The following EYS variants were observed in gnomAD, a reference collection of about 807,000 sequenced individuals.
EYS encodes the protein protein eyes shut homolog.
Under a neutral mutation model 282.1 loss-of-function variants are expected in EYS, and 250 were observed. The observed-to-expected ratio is 0.89, with a 90% CI of 0.80 to 0.98. The LOEUF (loss-of-function observed/expected upper bound fraction) is 0.98, where lower values mean the gene tolerates loss of function less well. EYS is among the 50% of genes least tolerant of loss of function. The probability of loss-of-function intolerance (pLI) is 0.00; values close to 1 mark genes in which losing one functional copy is unlikely to be tolerated. For synonymous variants in EYS, 1,355 were observed against 1,282.9 expected, an observed-to-expected ratio of 1.06 and a Z score of -1.20; for missense variants, 4,016 against 3,709.0, an observed-to-expected ratio of 1.08 and a Z score of -2.15.
At chr6:65,461,312 C>T (rs556389444) in intron 5 of EYS, among the ~76,000 whole-genome samples, 86 of 152,170 alleles carry the variant, frequency 5.7e-4, no homozygotes, top group African/African-American at 1.9e-3. Context: ...AGCCTAGCTC[C>T]ATTACATATC....
intron 30 of EYS, among the ~76,000 whole-genome samples, chr6:64,278,424 T>C (rs1319114077): frequency 6.6e-6 from 1 of 152,162 alleles, no homozygotes; most frequent in African/African-American, 2.4e-5. Context: ...TATATGACAA[T>C]GATCATTCTG....
intron 19 of EYS, among the ~76,000 whole-genome samples, chr6:64,827,098 T>A (rs1009271454): frequency 3.3e-5 from 5 of 152,008 alleles, no homozygotes; most frequent in African/African-American, 1.2e-4. Flanking sequence ...ACAAGCTATA[T>A]TTTTAAAAAT....
At chr6:64,904,366 A>C (rs1000860243) in intron 16 of EYS, among the ~76,000 whole-genome samples, 1 of 152,166 alleles carries the variant, frequency 6.6e-6, no homozygotes, top group Non-Finnish European at 1.5e-5. Context: ...AATTAAAATG[A>C]ATTACTTCCA....
At position 63,923,293 on chromosome 6, in the gene EYS, T is replaced by C. The variant is rs184370190; in HGVS notation, c.7056-58935A>G. Among the ~76,000 whole-genome samples the C allele has an allele frequency of 1.2e-4, 19 of 152,340 alleles. No homozygotes were observed. In the East Asian group the frequency reaches 3.3e-3, roughly 26 times the overall value. ...GTGTTCTTTTTTCAAGAACATTTTATGCAAATATGCCATTTAAAAAATGTT... is the reference window on the plus strand; with the variant it reads ...GTGTTCTTTTTTCAAGAACATTTTACGCAAATATGCCATTTAAAAAATGTT... On this transcript the variant is annotated intron_variant, in intron 35 of 42. Transcript: ENST00000503581.
intron 10 of EYS, 37 bp downstream of exon 10, chr6:65,344,001 G>A (rs534738152): frequency 5.1e-6 from 8 of 1,574,966 alleles, no homozygotes; most frequent in Admixed American, 5.0e-5. Context: ...ACAAGCTAAA[G>A]AGAAAAATGA....
chr6:63,839,991 G>T (rs866930930), intron 36 of EYS, among the ~76,000 whole-genome samples: 28 of 150,138 alleles, frequency 1.9e-4, no homozygotes, highest in African/African-American at 6.6e-4. Flanking sequence ...TAATATACCA[G>T]TTGGGCATTT....
intron 29 of EYS, among the ~76,000 whole-genome samples, chr6:64,348,195 C>T (rs1771483367): frequency 6.6e-6 from 1 of 151,368 alleles, no homozygotes; most frequent in South Asian, 2.1e-4. Flanking sequence ...TTATGCACTT[C>T]TCATTTGTTT....
intron 12 of EYS, among the ~76,000 whole-genome samples, chr6:65,209,758 C>A (rs570979968): frequency 6.6e-6 from 1 of 151,862 alleles, no homozygotes; most frequent in East Asian, 1.9e-4. Context: ...ATTGTACATA[C>A]TATGGTCAGG....
At chr6:65,188,625 A>G (rs1765567748) in intron 12 of EYS, among the ~76,000 whole-genome samples, 1 of 151,682 alleles carries the variant, frequency 6.6e-6, no homozygotes, top group South Asian at 2.1e-4. Context: ...TGTTCTAATC[A>G]GCTGACTTTA....
chr6:64,260,875 T>A (rs1767562629), intron 30 of EYS, among the ~76,000 whole-genome samples: 1 of 152,040 alleles, frequency 6.6e-6, no homozygotes, highest in African/African-American at 2.4e-5. Context: ...ATATCTTTTT[T>A]TAGTTTTTAG....
intron 5 of EYS, among the ~76,000 whole-genome samples, chr6:65,440,488 CATTAT>C (rs1768271924): frequency 6.6e-6 from 1 of 151,396 alleles, no homozygotes; most frequent in Non-Finnish European, 1.5e-5. Context: ...TTGGAAGACC[CATTAT>C]AATATCAAGA....
intron 28 of EYS, among the ~76,000 whole-genome samples, chr6:64,431,558 A>G (rs1162480559): frequency 6.6e-6 from 1 of 152,132 alleles, no homozygotes; most frequent in Non-Finnish European, 1.5e-5. Context: ...AGACATTGAG[A>G]GTCTATTGGG....
intron 35 of EYS, among the ~76,000 whole-genome samples, chr6:63,881,299 G>T (rs1409824441): frequency 6.6e-6 from 1 of 152,128 alleles, no homozygotes; most frequent in Non-Finnish European, 1.5e-5. Context: ...ATCCAAAACT[G>T]CTAGGCTCAC....
At chr6:64,673,335 G>A (rs1381796228) in intron 22 of EYS, among the ~76,000 whole-genome samples, 1 of 152,030 alleles carries the variant, frequency 6.6e-6, no homozygotes, top group African/African-American at 2.4e-5. Context: ...TGACCATAGG[G>A]ACAGCACAGT....
At chr6:64,796,832 T>C (rs904305811) in intron 22 of EYS, among the ~76,000 whole-genome samples, 3 of 152,148 alleles carry the variant, frequency 2.0e-5, no homozygotes, top group Non-Finnish European at 2.9e-5. Context: ...GACACAAAGA[T>C]GTGTGAGAGA....
chr6:64,225,278 G>C (rs4351236), intron 31 of EYS, among the ~76,000 whole-genome samples: 46,904 of 151,900 alleles, frequency 0.31, 7,269 homozygotes, highest in East Asian at 0.5. Flanking sequence ...CAGAGGTCCT[G>C]TGGTAGGCAG....
chr6:64,772,897 C>T (rs1773565609), intron 22 of EYS, among the ~76,000 whole-genome samples: 1 of 151,262 alleles, frequency 6.6e-6, no homozygotes, highest in African/African-American at 2.4e-5. Flanking sequence ...AAGGTTTCCT[C>T]AAACTTCTTC....
intron 30 of EYS, among the ~76,000 whole-genome samples, chr6:64,285,307 C>T (rs1181233646): frequency 6.6e-6 from 1 of 152,152 alleles, no homozygotes; most frequent in Non-Finnish European, 1.5e-5. Context: ...ACCAGATACC[C>T]TAAATCATCT....
chr6:63,727,852 G>A (rs923210099), intron 41 of EYS, among the ~76,000 whole-genome samples: 4 of 145,382 alleles, frequency 2.8e-5, no homozygotes, highest in African/African-American at 1.0e-4. Flanking sequence ...GGGTGGAGGT[G>A]GGGGTGGAGG....
Sources: gnomAD v4.1 joint callset for allele counts (sites outside exome capture counted in the v4.1 genomes callset) on GRCh38, gnomAD v4.1.1 for gene constraint, MANE v1.5 for transcripts, NCBI Gene and HGNC (gene_info 2026-07-23, HGNC 2026-07-21) for gene names.